The following DGUOK variants were observed in gnomAD, a reference collection of about 807,000 sequenced individuals.
The protein encoded by DGUOK is deoxyguanosine kinase.
In DGUOK, 30 loss-of-function variants were observed where a neutral mutation model predicts 36.6. The ratio of observed to expected loss-of-function variants is 0.82; its 90% CI spans 0.61 to 1.11. The LOEUF is 1.11. DGUOK is among the 50% of genes most tolerant of loss of function. The pLI, the probability that DGUOK is intolerant of heterozygous loss-of-function variation, is 0.00. For missense variants in DGUOK, 361 were observed against 336.4 expected (o/e 1.07, Z -0.57); for synonymous variants, 145 against 126.3 (o/e 1.15, Z -0.99).
chr2:73,951,053 GCTC>G (rs1682670883), intron 4 of DGUOK, among the ~76,000 whole-genome samples: 1 of 152,208 alleles, frequency 6.6e-6, no homozygotes, highest in South Asian at 2.1e-4. Flanking sequence ...ACTTGCCTCA[GCTC>G]CTCCTTTACT....
intron 1 of DGUOK, among the ~76,000 whole-genome samples, chr2:73,931,296 A>G (rs1395014562): frequency 6.6e-6 from 1 of 151,826 alleles, no homozygotes. Context: ...TGTTTTTTTG[A>G]TGGAGTCTCA....
At chr2:73,943,272 C>T (rs1682031352) in intron 2 of DGUOK, among the ~76,000 whole-genome samples, 1 of 151,692 alleles carries the variant, frequency 6.6e-6, no homozygotes, top group Non-Finnish European at 1.5e-5. Flanking sequence ...ACCTCAGTCT[C>T]TTGGTGAGTT....
At chr2:73,929,345 A>G (rs1680843267) in intron 1 of DGUOK, among the ~76,000 whole-genome samples, 1 of 152,160 alleles carries the variant, frequency 6.6e-6, no homozygotes, top group Non-Finnish European at 1.5e-5. Context: ...CCTGGGCTCA[A>G]TTGATCCTCC....
At chr2:73,932,619 G>C (rs1305955774) in intron 1 of DGUOK, 1 of 1,298,724 alleles carries the variant, frequency 7.7e-7, no homozygotes, top group East Asian at 5.2e-5. Context: ...AAGCAAATCA[G>C]AATGAGAGCA....
intron 1 of DGUOK, among the ~76,000 whole-genome samples, chr2:73,935,814 G>A (rs1681419469): frequency 6.6e-6 from 1 of 152,180 alleles, no homozygotes; most frequent in Non-Finnish European, 1.5e-5. Flanking sequence ...AGTACCCTGA[G>A]TATTAGGTGT....
chr2:73,941,743 A>G (rs1212697885), intron 2 of DGUOK, among the ~76,000 whole-genome samples: 1 of 152,032 alleles, frequency 6.6e-6, no homozygotes, highest in Non-Finnish European at 1.5e-5. Context: ...CTTGTTTTTT[A>G]ATATAAAGCC....
At position 73,957,181 on chromosome 2, in the gene DGUOK, G is replaced by A; in HGVS notation, c.648G>A (p.Leu216=). 1 of 1,614,154 alleles carries A rather than the reference G, an allele frequency of 6.2e-7. No homozygotes were observed. Among genetic ancestry groups the A allele is most frequent in the Admixed American group, 1.7e-5 (1 of 60,020 alleles). Residue 216 remains leucine, a synonymous_variant, in exon 5 of 7, where the codon CTG becomes CTA. Coordinates refer to ENST00000264093, the MANE Select transcript of DGUOK (RefSeq NM_080916.3). ...GGGAGGAGGAGAAAGGAATTGAGCT[G>A]GCCTATCTAGAGCAGCTGCATGGCC... The part of the protein sequence containing the change: ...RAREEEKGIE[L]AYLEQLHGQH...
intron 4 of DGUOK, among the ~76,000 whole-genome samples, chr2:73,954,620 G>A (rs1682956205): frequency 6.6e-6 from 1 of 152,086 alleles, no homozygotes; most frequent in African/African-American, 2.4e-5. Context: ...GCTGATCAAT[G>A]TACATCAAAA....
chr2:73,956,973 C>CGGGGGTCGCCG, intron 4 of DGUOK, 152 bp from the exon 5 acceptor site: 1 of 510,558 alleles, frequency 2.0e-6, no homozygotes, highest in Non-Finnish European at 3.6e-6. Context: ...TGTAGATCCT[C>CGGGGGTCGCCG]TGATTGCATA....
At chr2:73,931,905 G>A (rs1048627382) in intron 1 of DGUOK, among the ~76,000 whole-genome samples, 22 of 152,268 alleles carry the variant, frequency 1.4e-4, no homozygotes, top group African/African-American at 5.3e-4. Context: ...GGGATTGACA[G>A]GATGTGGTGG....
intron 4 of DGUOK, among the ~76,000 whole-genome samples, chr2:73,953,741 T>TTTG (rs869069406): frequency 4.2e-5 from 6 of 142,090 alleles, no homozygotes; most frequent in Non-Finnish European, 7.6e-5. Flanking sequence ...TTTTTTTTTT[T>TTTG]GAGACAGAGT....
chr2:73,937,882 A>G (rs770347262), intron 1 of DGUOK, among the ~76,000 whole-genome samples: 3 of 152,190 alleles, frequency 2.0e-5, no homozygotes, highest in Non-Finnish European at 2.9e-5. Flanking sequence ...GCAAGCTGCT[A>G]TATCTTTTAA....
At chr2:73,944,967 A>G (rs1337736422) in intron 2 of DGUOK, among the ~76,000 whole-genome samples, 5 of 152,190 alleles carry the variant, frequency 3.3e-5, no homozygotes, top group Non-Finnish European at 5.9e-5. Context: ...TTGCGGGGTC[A>G]GAAGGAGGGA....
chr2:73,936,592 A>G lies in DGUOK; in HGVS notation c.143-2318A>G, dbSNP rs116740776. 2.7e-3 allele frequency among the ~76,000 whole-genome samples: 411 copies of G among 152,332 alleles called. 3 individuals are homozygous for G. Among genetic ancestry groups the G allele is most frequent in the African/African-American group, 9.4e-3 (392 of 41,578 alleles). On this transcript the variant is annotated intron_variant, in intron 1 of 6. Transcript: ENST00000264093. ...GACATCAGCACCCCAATCAGTAACC[A>G]TAAGTGGAAGGATGCCCCCCTTCTT...
At chr2:73,954,527 G>A (rs1298706857) in intron 4 of DGUOK, among the ~76,000 whole-genome samples, 1 of 151,754 alleles carries the variant, frequency 6.6e-6, no homozygotes, top group Non-Finnish European at 1.5e-5. Context: ...TAAAACACAA[G>A]CAAGCTAACA....
intron 2 of DGUOK, 151 bp from the exon 3 acceptor site, chr2:73,946,568 C>T: frequency 1.3e-6 from 1 of 748,304 alleles, no homozygotes; most frequent in East Asian, 2.7e-5. Context: ...GGATCTGATT[C>T]TACCTTTTTG....
rs1295198677 is a variant in DGUOK, at chr2:73,957,893, G to A, written c.708-253G>A. ...CCTGTCCTCCCTTTAGGCTTGGTTT[G>A]TTGTCCACTTAAAATGTTTGGTGCT... On this transcript the variant is annotated intron_variant, in intron 5 of 6. Transcript: ENST00000264093. 4 of 407,538 alleles carry A rather than the reference G, an allele frequency of 9.8e-6. No individual in the cohort carries two copies. In the Admixed American group the frequency reaches 1.1e-4, roughly 11 times the overall value. The allele number at this position is 407,538 out of a possible 1,614,324, so 25.2% of individuals were successfully genotyped here.
intron 3 of DGUOK, among the ~76,000 whole-genome samples, chr2:73,949,569 A>G (rs912519002): frequency 3.9e-5 from 6 of 152,202 alleles, no homozygotes; most frequent in Non-Finnish European, 5.9e-5. Context: ...TAGCTAGTGA[A>G]TGTTTCAGCC....
chr2:73,951,472 G>C (rs1184817527), intron 4 of DGUOK, among the ~76,000 whole-genome samples: 2 of 151,446 alleles, frequency 1.3e-5, no homozygotes, highest in Non-Finnish European at 2.9e-5. Context: ...TTTTTTTAGA[G>C]ATGTACTGCT....
Sources: allele counts gnomAD v4.1 joint callset (sites outside exome capture counted in the v4.1 genomes callset), GRCh38; gene constraint gnomAD v4.1.1; transcripts MANE v1.5; gene names NCBI Gene and HGNC (gene_info 2026-07-23, HGNC 2026-07-21).